The following KCNJ13 variants were observed in gnomAD, a reference collection of about 807,000 sequenced individuals.
The protein encoded by KCNJ13 is inward rectifier potassium channel 13.
Under a neutral mutation model 24.6 loss-of-function variants are expected in KCNJ13, and 9 were observed. That is an observed-to-expected ratio of 0.37 (90% CI 0.22 to 0.64). The LOEUF is 0.64. Among genes scored for constraint, KCNJ13 ranks in the 30% least tolerant of loss-of-function variants. The pLI is 0.64. For synonymous variants in KCNJ13, 148 were observed against 154.7 expected (o/e 0.96, Z 0.32); for missense variants, 337 against 443.8 (o/e 0.76, Z 2.16).
chr2:232,770,590 C>T (rs1437958255), intron 2 of KCNJ13, among the ~76,000 whole-genome samples: 1 of 127,040 alleles, frequency 7.9e-6, no homozygotes, highest in Non-Finnish European at 1.7e-5. Context: ...TGAAAACCTC[C>T]TTTTAAACCT....
intron 1 of KCNJ13, 41 bp from the exon 2 acceptor site, chr2:232,771,419 T>G: frequency 2.3e-6 from 3 of 1,290,198 alleles, no homozygotes; most frequent in Non-Finnish European, 3.3e-6. Flanking sequence ...AACTGTTTTA[T>G]AGTTAATGTT....
chr2:232,766,787 T>A lies in KCNJ13; in HGVS notation c.*1404A>T, dbSNP rs1698981297. Reference sequence around the variant, plus strand: ...CCTGCTCTTCACACCTGCTTGCCTTTACTCAGCTAGTATTTATTTCAAGAG... The same window carrying A: ...CCTGCTCTTCACACCTGCTTGCCTTAACTCAGCTAGTATTTATTTCAAGAG... On this transcript the variant is annotated 3_prime_UTR_variant, in exon 3 of 3. Coordinates refer to ENST00000233826, the MANE Select transcript of KCNJ13 (RefSeq NM_002242.4). The A allele has an allele frequency of 6.6e-6, 1 of 152,242 alleles. No individual in the cohort carries two copies. Among genetic ancestry groups the A allele is most frequent in the African/African-American group, 2.4e-5 (1 of 41,464 alleles). 9.4% of individuals were successfully genotyped at this position (152,242 alleles called of 1,614,324 possible).
chr2:232,769,881 G>A (rs1446052819), intron 2 of KCNJ13, among the ~76,000 whole-genome samples: 1 of 152,166 alleles, frequency 6.6e-6, no homozygotes, highest in Admixed American at 6.5e-5. Context: ...CAGTCTAGTG[G>A]TGGTTTTAGT....
Position 232,768,429 on chromosome 2 carries a change from C to T in KCNJ13, c.845G>A (p.Cys282Tyr), listed in dbSNP as rs555860663. Reference sequence around the variant, plus strand: ...CGGTAGGTAGGATGTCCTCCTTTGGCATATTTCTCCAGTGCCCTCCTGCAT... The same window carrying T: ...CGGTAGGTAGGATGTCCTCCTTTGGTATATTTCTCCAGTGCCCTCCTGCAT... ...SAMQEGTGEI[C>Y]QRRTSYLPSE... Residue 282 changes from cysteine to tyrosine, a missense_variant, in exon 3 of 3, where the codon TGC becomes TAC. Transcript: ENST00000233826. 111 of 1,614,192 alleles carry T rather than the reference C, an allele frequency of 6.9e-5. 1 individual carries two copies. The South Asian group carries it at 1.2e-3, about 17-fold the overall frequency.
rs138305098 is a variant in KCNJ13 at position 232,770,815 on chromosome 2, A to G, written c.460+88T>C. ...AAATTATTCTGTAACAGCATTACTTATAACTGACTATACCCTTTCCAAACA... is the reference window on the plus strand; with the variant it reads ...AAATTATTCTGTAACAGCATTACTTGTAACTGACTATACCCTTTCCAAACA... On this transcript the variant is annotated intron_variant, in intron 2 of 2. Coordinates refer to ENST00000233826, the MANE Select transcript of KCNJ13 (RefSeq NM_002242.4). The G allele has an allele frequency of 6.5e-4, 562 of 866,600 alleles. 7 individuals are homozygous for G. The East Asian group carries it at 0.013, about 20-fold the overall frequency. 53.7% of individuals were successfully genotyped at this position (866,600 alleles called of 1,614,324 possible). A position where few individuals can be genotyped will look rare whatever the true frequency, so the allele number is the denominator to read the frequency against.
intron 1 of KCNJ13, among the ~76,000 whole-genome samples, chr2:232,772,030 G>T (rs757983229): frequency 1.1e-4 from 17 of 152,114 alleles, no homozygotes; most frequent in Non-Finnish European, 2.4e-4. Context: ...TGTCTCCTAG[G>T]CTGGAGTGCA....
Position 232,776,548 on chromosome 2 carries a change from A to G in KCNJ13, c.-120T>C, listed in dbSNP as rs1699523193. The G allele has an allele frequency of 1.1e-6, 1 of 872,602 alleles. No individual in the cohort carries two copies. The highest frequency in any genetic ancestry group is 2.6e-5 in the East Asian group (1 of 38,682). The allele number at this position is 872,602 out of a possible 1,614,324, so 54.1% of individuals were successfully genotyped here. On this transcript the variant is annotated 5_prime_UTR_variant, in exon 1 of 3. Coordinates refer to ENST00000233826, the MANE Select transcript of KCNJ13 (RefSeq NM_002242.4). ...ATTTTAATCTACAAGTCTAGTTTGTAGGTTCTCTTCTTGGACTGGTTTTAC... is the reference window on the plus strand; with the variant it reads ...ATTTTAATCTACAAGTCTAGTTTGTGGGTTCTCTTCTTGGACTGGTTTTAC...
chr2:232,776,470 A>T lies in KCNJ13; in HGVS notation c.-42T>A. ...CAGTTCTTTTGCTGGGTCAGCCTTT[A>T]TGCCAAGGTAGGTCTTAAGGAAATT... is the stretch of plus-strand genomic sequence containing the variant. On this transcript the variant is annotated 5_prime_UTR_variant, in exon 1 of 3. Transcript: ENST00000233826. 1 of 1,580,568 alleles carries T rather than the reference A, an allele frequency of 6.3e-7. No individual in the cohort carries two copies. The highest frequency in any genetic ancestry group is 2.2e-5 in the East Asian group (1 of 44,580).
intron 1 of KCNJ13, among the ~76,000 whole-genome samples, chr2:232,774,624 G>T (rs1352942139): frequency 6.6e-6 from 1 of 152,162 alleles, no homozygotes; most frequent in Non-Finnish European, 1.5e-5. Context: ...ATAGTTGGTT[G>T]CCTTCAAAAT....
Position 232,776,425 on chromosome 2 carries a change from A to G in KCNJ13, c.-17+20T>C, listed in dbSNP as rs752527054. On this transcript the variant is annotated intron_variant, in intron 1 of 2. Transcript: ENST00000233826. ...GTTTCCCATAAGGAAAGAAGAATGG[A>G]TATTATTGCATGTACTCACCAGTTC... 4 of 1,595,382 alleles carry G rather than the reference A, an allele frequency of 2.5e-6. No homozygotes were observed. Among genetic ancestry groups the G allele is most frequent in the South Asian group, 1.1e-5 (1 of 88,894 alleles).
At chr2:232,775,842 CTTTAA>C (rs1194435946) in intron 1 of KCNJ13, among the ~76,000 whole-genome samples, 1 of 152,174 alleles carries the variant, frequency 6.6e-6, no homozygotes, top group Non-Finnish European at 1.5e-5. Context: ...GGTGTAAATA[CTTTAA>C]GACTATATTG....
chr2:232,769,252 C>G (rs773654636), intron 2 of KCNJ13, among the ~76,000 whole-genome samples: 2 of 152,002 alleles, frequency 1.3e-5, no homozygotes, highest in Non-Finnish European at 2.9e-5. Flanking sequence ...ATATTTTGGC[C>G]AGGCATGGTG....
At chr2:232,772,532 T>C (rs538613725) in intron 1 of KCNJ13, among the ~76,000 whole-genome samples, 140 of 152,268 alleles carry the variant, frequency 9.2e-4, no homozygotes, top group African/African-American at 3.0e-3. Context: ...CTGCAAACAG[T>C]TTTCATCAGT....
chr2:232,768,259 G>C lies in KCNJ13; in HGVS notation c.1015C>G (p.Leu339Val). 6.2e-7 allele frequency: 1 copy of C among 1,613,950 alleles called. No homozygotes were observed. The highest frequency in any genetic ancestry group is 1.7e-5 in the Admixed American group (1 of 60,024). ...LVSKSPNRTD[L>V]DIHINGQSID... ...CTTTGTCCATTGATGTGGATATCCA[G>C]GTCAGTCCTGTTTGGGCTTTTAGAA... The change falls in exon 3 of 3, where the codon CTG becomes GTG. Residue 339 changes from leucine (L) to valine (V), a missense_variant. Leu to Val is a conservative substitution (Grantham distance 32, BLOSUM62 1). Transcript: ENST00000233826.
chr2:232,772,612 G>A (rs1234798494), intron 1 of KCNJ13, among the ~76,000 whole-genome samples: 1 of 152,190 alleles, frequency 6.6e-6, no homozygotes, highest in Non-Finnish European at 1.5e-5. Context: ...CCTTGCGTAT[G>A]ACAAAGGTGT....
intron 1 of KCNJ13, among the ~76,000 whole-genome samples, chr2:232,773,279 A>C (rs888413224): frequency 6.6e-6 from 1 of 152,206 alleles, no homozygotes; most frequent in African/African-American, 2.4e-5. Flanking sequence ...AAATCTTCAT[A>C]GGCACTGTGA....
intron 1 of KCNJ13, among the ~76,000 whole-genome samples, chr2:232,775,128 A>G (rs184944034): frequency 4.7e-4 from 71 of 152,092 alleles, no homozygotes; most frequent in Non-Finnish European, 2.6e-4. Flanking sequence ...GTGGAGTAAT[A>G]TAGAGAAGGA....
rs1276139191 is a variant in KCNJ13, at chr2:232,766,756, CT to C, written c.*1434del. ...AATAGTAGAAAAATGTGACTTGCTG[CT>C]GAGCCCTGCTCTTCACACCTGCTTG... On this transcript the variant is annotated 3_prime_UTR_variant, in exon 3 of 3. Coordinates refer to ENST00000233826, the MANE Select transcript of KCNJ13 (RefSeq NM_002242.4). The C allele has an allele frequency of 1.3e-5, 2 of 152,226 alleles. No homozygotes were observed. Among genetic ancestry groups the C allele is most frequent in the African/African-American group, 4.8e-5 (2 of 41,442 alleles). The allele number at this position is 152,226 out of a possible 1,614,324, so 9.4% of individuals were successfully genotyped here. A position where few individuals can be genotyped will look rare whatever the true frequency, so the allele number is the denominator to read the frequency against.
Position 232,768,154 on chromosome 2 carries a change from G to T in KCNJ13, c.*37C>A, listed in dbSNP as rs755099409. ...TAAAGAAAAAGTAGCTGCATAACTG[G>T]CTGGGTGTATTTAATACATTAAAAA... is the stretch of plus-strand genomic sequence containing the variant. On this transcript the variant is annotated 3_prime_UTR_variant, in exon 3 of 3. Coordinates refer to ENST00000233826, the MANE Select transcript of KCNJ13 (RefSeq NM_002242.4). 1.2e-6 allele frequency: 2 copies of T among 1,604,510 alleles called. No homozygotes were observed. The highest frequency in any genetic ancestry group is 1.7e-6 in the Non-Finnish European group (2 of 1,172,162).
Sources: allele counts gnomAD v4.1 joint callset (sites outside exome capture counted in the v4.1 genomes callset), GRCh38; gene constraint gnomAD v4.1.1; transcripts MANE v1.5; gene names NCBI Gene and HGNC (gene_info 2026-07-23, HGNC 2026-07-21).